Variants in CCDC180 observed in about 807,000 individuals in gnomAD.
CCDC180 encodes the protein coiled-coil domain-containing protein 180.
CCDC180 carries 154 observed loss-of-function variants against 209.2 expected under a neutral mutation model. The ratio of observed to expected loss-of-function variants is 0.74; its 90% CI spans 0.65 to 0.84. The LOEUF is 0.84. Among genes scored for constraint, CCDC180 ranks in the 40% least tolerant of loss-of-function variants. CCDC180 has a pLI of 0.00. For missense variants in CCDC180, 1,874 were observed against 1,997.3 expected (o/e 0.94, Z 1.18); for synonymous variants, 778 against 749.1 (o/e 1.04, Z -0.63).
chr9:97,333,503 G>GTTTTTT (rs373215367), intron 18 of CCDC180, among the ~76,000 whole-genome samples: 1 of 72,828 alleles, frequency 1.4e-5, no homozygotes, highest in Non-Finnish European at 2.6e-5. Context: ...CTGGGTTTGG[G>GTTTTTT]TTTTTTTTTT....
At chr9:97,339,821 A>G (rs1826023876) in intron 18 of CCDC180, among the ~76,000 whole-genome samples, 1 of 152,004 alleles carries the variant, frequency 6.6e-6, no homozygotes, top group African/African-American at 2.4e-5. Flanking sequence ...TGGTCTTTTC[A>G]CATAGACCCA....
chr9:97,327,887 A>AT, intron 15 of CCDC180, 133 bp from the exon 16 acceptor site: 1 of 941,052 alleles, frequency 1.1e-6, no homozygotes, highest in Non-Finnish European at 1.6e-6. Context: ...AGCATAGCCA[A>AT]GGACTGCTGC....
At chr9:97,352,385 C>T (rs1198878397) in intron 22 of CCDC180, among the ~76,000 whole-genome samples, 1 of 152,122 alleles carries the variant, frequency 6.6e-6, no homozygotes, top group South Asian at 2.1e-4. Flanking sequence ...TGTCTGGGCT[C>T]TGGGTGTGGT....
At chr9:97,314,371 T>A (rs1564146056) in intron 5 of CCDC180, 22 bp from the exon 6 acceptor site, 1 of 1,613,850 alleles carries the variant, frequency 6.2e-7, no homozygotes, top group Admixed American at 1.7e-5. Context: ...GCCTTGGCCA[T>A]CATACCCCTG....
chr9:97,355,465 A>G (rs146008358), intron 24 of CCDC180, among the ~76,000 whole-genome samples: 8 of 152,308 alleles, frequency 5.3e-5, no homozygotes, highest in Middle Eastern at 3.4e-3. Context: ...CAAAAATAAA[A>G]TCTTAATAAC....
At chr9:97,337,421 CAT>C (rs1369148885) in intron 18 of CCDC180, among the ~76,000 whole-genome samples, 25 of 152,258 alleles carry the variant, frequency 1.6e-4, no homozygotes, top group African/African-American at 5.8e-4. Context: ...TTGAGATAAT[CAT>C]GTGGGTTTTG....
intron 18 of CCDC180, 139 bp from the exon 19 acceptor site, chr9:97,343,201 G>A (rs891632818): frequency 2.3e-5 from 13 of 572,056 alleles, no homozygotes; most frequent in African/African-American, 7.6e-5. Flanking sequence ...TGTGGGGGGC[G>A]AAAAAACCTA....
In CCDC180 at chr9:97,343,438, G is replaced by A; in HGVS notation, c.2373G>A (p.Leu791=). The change falls in exon 19 of 37, where the codon CTG becomes CTA. Residue 791 remains leucine, a synonymous_variant. Transcript: ENST00000529487. ...SGNTYFVFVP[L]EEEHCRKSHS... The stretch of plus-strand genomic sequence containing the variant: ...ACACTTATTTTGTCTTTGTACCCCT[G>A]GAAGAAGAGCATTGTAGGAAGTCCC... 1 of 1,613,966 alleles carries A rather than the reference G, an allele frequency of 6.2e-7. No individual in the cohort carries two copies. The highest frequency in any genetic ancestry group is 8.5e-7 in the Non-Finnish European group (1 of 1,179,876).
intron 1 of CCDC180, 57 bp downstream of exon 1, chr9:97,307,863 C>A: frequency 6.2e-7 from 1 of 1,608,784 alleles, no homozygotes; most frequent in Non-Finnish European, 8.5e-7. Context: ...CCCCAGCCGC[C>A]TACCCCCCAG....
At chr9:97,320,073 G>T in intron 10 of CCDC180, 53 bp from the exon 11 acceptor site, 1 of 1,385,658 alleles carries the variant, frequency 7.2e-7, no homozygotes, top group Non-Finnish European at 1.0e-6. Context: ...ACCCATTTTG[G>T]TGAGTAAACG....
chr9:97,311,006 CAT>C lies in CCDC180; in HGVS notation c.261-1106_261-1105del, dbSNP rs1219303401. Among the ~76,000 whole-genome samples the C allele has an allele frequency of 4.6e-5, 7 of 152,320 alleles. No individual in the cohort carries two copies. In the South Asian group the frequency reaches 1.2e-3, roughly 27 times the overall value. On this transcript the variant is annotated intron_variant, in intron 3 of 36. Transcript: ENST00000529487. ...AGCAGAGGCCAGACTGGGCTGAACACATGAGTGGCAGAGCCAGGGCACCCTGT... is the reference window on the plus strand; with the variant it reads ...AGCAGAGGCCAGACTGGGCTGAACACGAGTGGCAGAGCCAGGGCACCCTGT...
intron 11 of CCDC180, among the ~76,000 whole-genome samples, chr9:97,320,762 T>C (rs1428804713): frequency 6.6e-6 from 1 of 152,210 alleles, no homozygotes; most frequent in South Asian, 2.1e-4. Flanking sequence ...CTGTAGCGTG[T>C]GTGCTGACTG....
At chr9:97,314,772 G>A (rs756815811) in intron 7 of CCDC180, 44 bp downstream of exon 7, 12 of 1,599,636 alleles carry the variant, frequency 7.5e-6, no homozygotes, top group Admixed American at 6.7e-5. Flanking sequence ...GTCACTTGCC[G>A]GGTTTATTAG....
chr9:97,337,890 T>C (rs1825958222), intron 18 of CCDC180, among the ~76,000 whole-genome samples: 1 of 152,232 alleles, frequency 6.6e-6, no homozygotes, highest in African/African-American at 2.4e-5. Context: ...GGTTTAGTCT[T>C]AGAAGGGAGT....
intron 18 of CCDC180, among the ~76,000 whole-genome samples, chr9:97,333,514 T>TTG (rs1825811780): frequency 6.7e-6 from 1 of 149,422 alleles, no homozygotes; most frequent in African/African-American, 2.5e-5. Flanking sequence ...TTTTTTTTTT[T>TTG]TTTTTTTTTT....
intron 25 of CCDC180, 71 bp from the exon 26 acceptor site, chr9:97,359,911 C>T (rs1826701263): frequency 1.3e-6 from 2 of 1,587,478 alleles, no homozygotes; most frequent in Non-Finnish European, 1.7e-6. Flanking sequence ...TGTTCCCGCA[C>T]TTCCCACAGA....
intron 25 of CCDC180, among the ~76,000 whole-genome samples, chr9:97,359,347 G>C (rs901672227): frequency 2.0e-5 from 3 of 152,210 alleles, no homozygotes; most frequent in Non-Finnish European, 4.4e-5. Context: ...CAGCCTCCCA[G>C]CCAGGTGAGG....
intron 5 of CCDC180, 90 bp from the exon 6 acceptor site, chr9:97,314,303 C>A: frequency 6.7e-7 from 1 of 1,494,352 alleles, no homozygotes; most frequent in Non-Finnish European, 9.3e-7. Context: ...TGAGATAGAA[C>A]CATGCCTGGC....
intron 3 of CCDC180, among the ~76,000 whole-genome samples, chr9:97,310,537 C>A (rs1055939682): frequency 6.6e-6 from 1 of 152,160 alleles, no homozygotes. Context: ...AGAAACAGAT[C>A]TTCCCAGGGT....
Sources: allele counts gnomAD v4.1 joint callset (sites outside exome capture counted in the v4.1 genomes callset), GRCh38; gene constraint gnomAD v4.1.1; transcripts MANE v1.5; gene names NCBI Gene and HGNC (gene_info 2026-07-23, HGNC 2026-07-21).